Variants in ZYG11A observed in about 807,000 individuals in gnomAD.
ZYG11A encodes the protein protein zyg-11 homolog A.
A neutral mutation model predicts 77.2 loss-of-function variants in ZYG11A; 62 were observed. That is an observed-to-expected ratio of 0.80 (90% CI 0.65 to 0.99). The LOEUF is 0.99. ZYG11A is among the 50% of genes least tolerant of loss of function. ZYG11A has a pLI of 0.00. For synonymous variants in ZYG11A, 315 were observed against 324.6 expected (o/e 0.97, Z 0.32); for missense variants, 828 against 896.8 (o/e 0.92, Z 0.98).
rs1029853448 is a variant in ZYG11A, at chr1:52,893,502, C to T, written c.*545C>T. The T allele has an allele frequency of 4.6e-5, 7 of 152,608 alleles. No homozygotes were observed. Among genetic ancestry groups the T allele is most frequent in the East Asian group, 1.9e-4 (1 of 5,186 alleles). The allele number at this position is 152,608 out of a possible 1,614,324, so 9.5% of individuals were successfully genotyped here. A position where few individuals can be genotyped will look rare whatever the true frequency, so the allele number is the denominator to read the frequency against. On this transcript the variant is annotated 3_prime_UTR_variant, in exon 14 of 14. Coordinates refer to ENST00000371528, the MANE Select transcript of ZYG11A (RefSeq NM_001004339.3). Reference sequence around the variant, plus strand: ...ATCTATGGCTGGGTATGGTGGCTCACGCCTGTAATCCCAGCACTTTGGGAG... The same window carrying T: ...ATCTATGGCTGGGTATGGTGGCTCATGCCTGTAATCCCAGCACTTTGGGAG...
At chr1:52,861,771 G>A (rs1046157155) in intron 4 of ZYG11A, among the ~76,000 whole-genome samples, 3 of 152,086 alleles carry the variant, frequency 2.0e-5, no homozygotes, top group Non-Finnish European at 4.4e-5. Context: ...AAAACTCTGG[G>A]TCAGCTGTGG....
intron 8 of ZYG11A, among the ~76,000 whole-genome samples, chr1:52,872,539 A>G (rs1472618020): frequency 1.3e-5 from 2 of 151,776 alleles, no homozygotes; most frequent in African/African-American, 4.8e-5. Context: ...TAGATCAGGG[A>G]GTAATTTATT....
intron 1 of ZYG11A, among the ~76,000 whole-genome samples, chr1:52,847,049 T>C (rs1021999655): frequency 5.3e-5 from 8 of 151,896 alleles, no homozygotes; most frequent in Admixed American, 3.3e-4. Flanking sequence ...GGTTTCACTG[T>C]GTTAGCCAGG....
At chr1:52,846,721 T>A (rs1645592409) in intron 1 of ZYG11A, among the ~76,000 whole-genome samples, 1 of 152,172 alleles carries the variant, frequency 6.6e-6, no homozygotes, top group South Asian at 2.1e-4. Context: ...ATGTGTATTT[T>A]AAAGATTGCT....
chr1:52,878,119 T>C (rs746103555), intron 10 of ZYG11A, 150 bp downstream of exon 10: 6 of 687,536 alleles, frequency 8.7e-6, no homozygotes, highest in Non-Finnish European at 1.5e-5. Flanking sequence ...GTAAATACTA[T>C]TGTATATCAG....
chr1:52,863,162 A>C (rs1027306503), intron 4 of ZYG11A, among the ~76,000 whole-genome samples: 5 of 152,242 alleles, frequency 3.3e-5, no homozygotes, highest in African/African-American at 1.2e-4. Flanking sequence ...TTTCCATAGC[A>C]GAAGTATATC....
rs1237593835 is a variant in ZYG11A, at chr1:52,857,524, T to C, written c.783T>C (p.Leu261=). 1 of 1,551,988 alleles carries C rather than the reference T, an allele frequency of 6.4e-7. No homozygotes were observed. The highest frequency in any genetic ancestry group is 2.4e-5 in the East Asian group (1 of 40,930). Residue 261 remains leucine (L), a synonymous_variant, in exon 3 of 14, where the codon CTT becomes CTC. Coordinates refer to ENST00000371528, the MANE Select transcript of ZYG11A (RefSeq NM_001004339.3). The stretch of plus-strand genomic sequence containing the variant: ...GAGAACTTAAATGTCTGCTTCACCT[T>C]GATATTTCTGATCACAGGCAACTCA... ...VIRELKCLLH[L]DISDHRQLKS...
In ZYG11A at chr1:52,892,766, CTTGA is replaced by C. The variant is rs1160684080; in HGVS notation, c.2105-13_2105-10del. 6.4e-7 allele frequency: 1 copy of C among 1,550,574 alleles called. No individual in the cohort carries two copies. Among genetic ancestry groups the C allele is most frequent in the Non-Finnish European group, 8.7e-7 (1 of 1,146,360 alleles). On this transcript the variant is annotated splice_polypyrimidine_tract_variant and intron_variant, in intron 13 of 13. Transcript: ENST00000371528. ...GCCAGTTGTCCATGGAGTGTCTCTG[CTTGA>C]TTTTCTTTCAGCCAGCAAATACTGC...
intron 10 of ZYG11A, among the ~76,000 whole-genome samples, chr1:52,880,252 T>TG (rs897685699): frequency 2.0e-5 from 3 of 151,716 alleles, no homozygotes; most frequent in Non-Finnish European, 2.9e-5. Flanking sequence ...AAAACAGGCG[T>TG]GGGGGGGACA....
chr1:52,880,963 TAA>T, intron 10 of ZYG11A, among the ~76,000 whole-genome samples: 1 of 152,234 alleles, frequency 6.6e-6, no homozygotes, highest in Non-Finnish European at 1.5e-5. Flanking sequence ...TTTACGCCAC[TAA>T]GTTTGTGGTA....
In ZYG11A at chr1:52,854,484, C is replaced by T. The variant is rs1274210197; in HGVS notation, c.110C>T (p.Thr37Ile). The change falls in exon 2 of 14, where the codon ACT becomes ATT. Residue 37 changes from threonine (T) to isoleucine (I), a missense_variant. Physicochemically the swap from Thr to Ile is moderately conservative, Grantham distance 89. Coordinates refer to ENST00000371528, the MANE Select transcript of ZYG11A (RefSeq NM_001004339.3). ...CVVQEEASPY[T>I]LVNICLNVLI... Reference sequence around the variant, plus strand: ...TGCTAGGAAGAGGCATCTCCCTACACTTTGGTCAACATCTGCCTGAATGTC... The same window carrying T: ...TGCTAGGAAGAGGCATCTCCCTACATTTTGGTCAACATCTGCCTGAATGTC... 1.3e-6 allele frequency: 2 copies of T among 1,548,822 alleles called. No individual in the cohort carries two copies. Among genetic ancestry groups the T allele is most frequent in the African/African-American group, 1.4e-5 (1 of 73,010 alleles).
At chr1:52,863,710 A>C (rs574896232) in intron 4 of ZYG11A, among the ~76,000 whole-genome samples, 1 of 152,236 alleles carries the variant, frequency 6.6e-6, no homozygotes, top group African/African-American at 2.4e-5. Context: ...AGTGAGGCTC[A>C]ATAAATGATT....
At chr1:52,882,475 C>G (rs1006454979) in intron 11 of ZYG11A, among the ~76,000 whole-genome samples, 1 of 152,164 alleles carries the variant, frequency 6.6e-6, no homozygotes, top group Admixed American at 6.6e-5. Context: ...CTTTGCCTCT[C>G]TTGTGTTGGA....
intron 13 of ZYG11A, among the ~76,000 whole-genome samples, chr1:52,891,971 C>G (rs1571888313): frequency 6.6e-6 from 1 of 151,540 alleles, no homozygotes; most frequent in South Asian, 2.1e-4. Flanking sequence ...GTGATCTCGG[C>G]TCACTGCAAG....
At chr1:52,868,767 C>CA (rs1267098443) in intron 8 of ZYG11A, among the ~76,000 whole-genome samples, 23 of 152,226 alleles carry the variant, frequency 1.5e-4, no homozygotes, top group African/African-American at 5.5e-4. Flanking sequence ...AGCCTGGTGA[C>CA]AGAGTAAAAT....
intron 8 of ZYG11A, among the ~76,000 whole-genome samples, chr1:52,872,312 C>T (rs1427922181): frequency 6.6e-6 from 1 of 151,964 alleles, no homozygotes; most frequent in Non-Finnish European, 1.5e-5. Context: ...CCATGTTGGC[C>T]AGTCTGGTCT....
At chr1:52,845,437 C>T (rs1310081162) in intron 1 of ZYG11A, among the ~76,000 whole-genome samples, 1 of 151,680 alleles carries the variant, frequency 6.6e-6, no homozygotes, top group Non-Finnish European at 1.5e-5. Flanking sequence ...TCCTGAGTAG[C>T]TGGGACTACA....
intron 6 of ZYG11A, 75 bp from the exon 7 acceptor site, chr1:52,867,464 A>G: frequency 1.0e-6 from 1 of 960,364 alleles, no homozygotes. Flanking sequence ...TACTTGGGGA[A>G]TGCCAAATGA....
In ZYG11A at chr1:52,867,790, T is replaced by C. The variant is rs1483236178; in HGVS notation, c.1542+13T>C. 1 of 1,549,546 alleles carries C rather than the reference T, an allele frequency of 6.5e-7. No homozygotes were observed. Among genetic ancestry groups the C allele is most frequent in the Non-Finnish European group, 8.7e-7 (1 of 1,146,024 alleles). ...CATGGCAGTTAAGGTAGGTTCCTTG[T>C]CATGTTCATAACCTTTTTTTAAAAA... On this transcript the variant is annotated intron_variant, in intron 8 of 13. Coordinates refer to ENST00000371528, the MANE Select transcript of ZYG11A (RefSeq NM_001004339.3).
Sources: gnomAD v4.1 joint callset for allele counts (sites outside exome capture counted in the v4.1 genomes callset) on GRCh38, gnomAD v4.1.1 for gene constraint, MANE v1.5 for transcripts, NCBI Gene and HGNC (gene_info 2026-07-23, HGNC 2026-07-21) for gene names.